Variants in FHIP1A observed in about 807,000 individuals in gnomAD.
FHIP1A encodes the protein FHF complex subunit HOOK interacting protein 1A, also known as FHF complex subunit HOOK-interacting protein 1A.
In FHIP1A, 61 loss-of-function variants were observed where a neutral mutation model predicts 88.6. The observed-to-expected ratio is 0.69, with a 90% confidence interval of 0.56 to 0.85. The LOEUF is 0.85. Ranked by LOEUF, FHIP1A falls within the 40% of genes least tolerant of loss-of-function variation. FHIP1A has a pLI of 0.00. For missense variants in FHIP1A, 1,154 were observed against 1,273.5 expected, an observed-to-expected ratio of 0.91 and a Z score of 1.43; for synonymous variants, 478 against 496.0, an observed-to-expected ratio of 0.96 and a Z score of 0.48.
intron 8 of FHIP1A, among the ~76,000 whole-genome samples, chr4:151,633,342 C>T (rs1331085828): frequency 1.3e-5 from 2 of 151,702 alleles, no homozygotes; most frequent in Non-Finnish European, 3.0e-5. Flanking sequence ...AAAGAAAAAC[C>T]CAGGACCAGA....
chr4:151,661,767 C>T (rs1303394094), intron 13 of FHIP1A, among the ~76,000 whole-genome samples: 1 of 152,132 alleles, frequency 6.6e-6, no homozygotes, highest in Non-Finnish European at 1.5e-5. Context: ...CATCTTAAGC[C>T]TATGTTATTG....
chr4:151,588,307 G>A (rs138659418), intron 6 of FHIP1A, among the ~76,000 whole-genome samples: 73 of 152,050 alleles, frequency 4.8e-4, no homozygotes, highest in Non-Finnish European at 7.7e-4. Flanking sequence ...ATTTTTAAAT[G>A]CCTTTTCTTT....
At chr4:151,474,917 A>G (rs1200918530) in intron 2 of FHIP1A, among the ~76,000 whole-genome samples, 1 of 152,184 alleles carries the variant, frequency 6.6e-6, no homozygotes, top group African/African-American at 2.4e-5. Flanking sequence ...GGGCTTGTCT[A>G]TACAGTATTC....
intron 2 of FHIP1A, among the ~76,000 whole-genome samples, chr4:151,456,251 A>G (rs570703510): frequency 2.6e-5 from 4 of 152,348 alleles, no homozygotes; most frequent in Admixed American, 2.0e-4. Context: ...TCTTTTTAAA[A>G]TAACATCAGC....
chr4:151,453,308 A>G (rs2126585161), intron 1 of FHIP1A, among the ~76,000 whole-genome samples: 1 of 152,188 alleles, frequency 6.6e-6, no homozygotes, highest in East Asian at 1.9e-4. Context: ...GAGCCACTGC[A>G]CCTGGCCCAT....
At chr4:151,487,107 T>C (rs908425363) in intron 3 of FHIP1A, among the ~76,000 whole-genome samples, 2 of 152,194 alleles carry the variant, frequency 1.3e-5, no homozygotes, top group African/African-American at 2.4e-5. Context: ...TTCTTTCAAA[T>C]AGTAAACCTT....
chr4:151,577,198 TTTC>T (rs1227075749), intron 4 of FHIP1A, among the ~76,000 whole-genome samples: 1 of 152,214 alleles, frequency 6.6e-6, no homozygotes, highest in Non-Finnish European at 1.5e-5. Context: ...ACCATACTAT[TTTC>T]TTCAATATTT....
chr4:151,656,580 GC>G lies in FHIP1A; in HGVS notation c.2730+171del, dbSNP rs1179800034. On this transcript the variant is annotated intron_variant, in intron 12 of 13. Coordinates refer to ENST00000435205, the MANE Select transcript of FHIP1A (RefSeq NM_001109977.3). The surrounding 1 kb of genome is among the most constrained non-coding windows in gnomAD (Gnocchi z 4.2). ...TAGTTTATTCTAGACAAACTGTAGA[GC>G]TTCATTTAGTTTGATGTTTTGACGG... 6.6e-6 allele frequency among the ~76,000 whole-genome samples: 1 copy of G among 152,170 alleles called. No homozygotes were observed. Among genetic ancestry groups the G allele is most frequent in the Non-Finnish European group, 1.5e-5 (1 of 68,034 alleles).
intron 1 of FHIP1A, among the ~76,000 whole-genome samples, chr4:151,437,335 A>T (rs1292048987): frequency 6.6e-6 from 1 of 152,030 alleles, no homozygotes; most frequent in Non-Finnish European, 1.5e-5. Context: ...ATGAAATGAG[A>T]TCCTCCCAAG....
intron 3 of FHIP1A, among the ~76,000 whole-genome samples, chr4:151,530,153 T>TG (rs1731819459): frequency 6.6e-6 from 1 of 151,784 alleles, no homozygotes; most frequent in Non-Finnish European, 1.5e-5. Flanking sequence ...AGGATTGGAG[T>TG]GGGGGTGGTT....
In FHIP1A at chr4:151,514,216, C is replaced by T. The variant is rs1196288567; in HGVS notation, c.-123+31568C>T. On this transcript the variant is annotated intron_variant, in intron 3 of 13. Coordinates refer to ENST00000435205, the MANE Select transcript of FHIP1A (RefSeq NM_001109977.3). ...TCCTGAATGACTACTGGGTACATAA[C>T]GAAATGAAGGCAGAAATAAAGATGT... 3.9e-5 allele frequency among the ~76,000 whole-genome samples: 6 copies of T among 152,058 alleles called. No individual in the cohort carries two copies. The South Asian group carries it at 6.2e-4, about 16-fold the overall frequency.
At chr4:151,655,167 C>G (rs1320045023) in intron 11 of FHIP1A, among the ~76,000 whole-genome samples, 1 of 152,230 alleles carries the variant, frequency 6.6e-6, no homozygotes, top group Non-Finnish European at 1.5e-5. Context: ...GCTTATATAT[C>G]AAGGGATGTG....
At chr4:151,608,037 CTTTTT>C (rs376335318) in intron 7 of FHIP1A, among the ~76,000 whole-genome samples, 1 of 67,102 alleles carries the variant, frequency 1.5e-5, no homozygotes, top group African/African-American at 5.6e-5. Context: ...CTTTCTTCTT[CTTTTT>C]TTTTTTTTTT....
intron 2 of FHIP1A, among the ~76,000 whole-genome samples, chr4:151,470,910 A>G (rs1053107145): frequency 6.6e-6 from 1 of 152,034 alleles, no homozygotes; most frequent in African/African-American, 2.4e-5. Flanking sequence ...CCAGGATTTT[A>G]ATTTGTGGGG....
rs140988643 is a variant in FHIP1A, at chr4:151,564,883, A to G, written c.-122-1255A>G. Among the ~76,000 whole-genome samples the G allele has an allele frequency of 2.8e-3, 423 of 152,212 alleles. 2 individuals are homozygous for G. The highest frequency in any genetic ancestry group is 9.9e-3 in the African/African-American group (411 of 41,540). ...TTTCATGTCGAATGGTTGCCCTCCT[A>G]CTAACAGAAGTGCTTGTTTTAAATA... is the stretch of plus-strand genomic sequence containing the variant. On this transcript the variant is annotated intron_variant, in intron 3 of 13. Transcript: ENST00000435205.
At chr4:151,621,506 C>T (rs765030778) in intron 7 of FHIP1A, among the ~76,000 whole-genome samples, 6 of 137,280 alleles carry the variant, frequency 4.4e-5, no homozygotes, top group East Asian at 2.1e-4. Flanking sequence ...ATTCCACTGC[C>T]GAATGATACA....
chr4:151,664,147 T>A lies in FHIP1A; in HGVS notation c.*1393T>A, dbSNP rs1737577006. ...AGTAACGAGCTTGAGCCTGCCTGTT[T>A]GGAAGGAAATTGGAAGGTTTGTCTC... is the stretch of plus-strand genomic sequence containing the variant. On this transcript the variant is annotated 3_prime_UTR_variant, in exon 14 of 14. Coordinates refer to ENST00000435205, the MANE Select transcript of FHIP1A (RefSeq NM_001109977.3). Among the ~76,000 whole-genome samples the A allele has an allele frequency of 6.6e-6, 1 of 152,204 alleles. No homozygotes were observed. Among genetic ancestry groups the A allele is most frequent in the African/African-American group, 2.4e-5 (1 of 41,462 alleles).
At chr4:151,504,564 T>TA (rs755424474) in intron 3 of FHIP1A, among the ~76,000 whole-genome samples, 2 of 109,248 alleles carry the variant, frequency 1.8e-5, no homozygotes, top group Admixed American at 1.8e-4. Flanking sequence ...GAAAAAATTT[T>TA]ATGTTATGTT....
Position 151,662,774 on chromosome 4 carries a change from T to A in FHIP1A, c.*20T>A. On this transcript the variant is annotated 3_prime_UTR_variant, in exon 14 of 14. Coordinates refer to ENST00000435205, the MANE Select transcript of FHIP1A (RefSeq NM_001109977.3). Reference sequence around the variant, plus strand: ...TGTTAGCTTTTTTTTTTTTTTTTAATAGAGGTTCTTGTTTTGTAAGGTTTT... The same window carrying A: ...TGTTAGCTTTTTTTTTTTTTTTTAAAAGAGGTTCTTGTTTTGTAAGGTTTT... 1 of 1,266,232 alleles carries A rather than the reference T, an allele frequency of 7.9e-7. No individual in the cohort carries two copies. Among genetic ancestry groups the A allele is most frequent in the Non-Finnish European group, 1.1e-6 (1 of 941,682 alleles). 78.4% of individuals were successfully genotyped at this position (1,266,232 alleles called of 1,614,324 possible).
Sources: allele counts gnomAD v4.1 joint callset (sites outside exome capture counted in the v4.1 genomes callset), GRCh38; gene constraint gnomAD v4.1.1; non-coding constraint Gnocchi (gnomAD v3.1); transcripts MANE v1.5; gene names NCBI Gene and HGNC (gene_info 2026-07-23, HGNC 2026-07-21).